Variants in RNASEH1 observed in about 807,000 individuals in gnomAD.
The protein encoded by RNASEH1 is ribonuclease H1, also known as ribonuclease H type II.
Under a neutral mutation model 34.6 loss-of-function variants are expected in RNASEH1, and 27 were observed. The observed-to-expected ratio is 0.78, with a 90% confidence interval of 0.58 to 1.08. RNASEH1 has a LOEUF of 1.08. Among genes scored for constraint, RNASEH1 ranks in the 50% least tolerant of loss-of-function variants. RNASEH1 has a pLI of 0.00. For missense variants in RNASEH1, 349 were observed against 373.6 expected (o/e 0.93, Z 0.54); for synonymous variants, 162 against 138.4 (o/e 1.17, Z -1.20).
chr2:3,557,767 C>A, intron 1 of RNASEH1: 1 of 836,740 alleles, frequency 1.2e-6, no homozygotes, highest in East Asian at 5.9e-5. Context: ...AGTTCCAATC[C>A]CAATTTAGCT....
chr2:3,532,413 T>C, the RNASEH1 span: 2 of 699,012 alleles, frequency 2.9e-6, 1 homozygote, highest in Non-Finnish European at 5.2e-6. Flanking sequence ...CACTGAAACA[T>C]GCTGAGTGCT....
chr2:3,554,961 C>T (rs1352297955), intron 2 of RNASEH1, among the ~76,000 whole-genome samples: 1 of 152,122 alleles, frequency 6.6e-6, no homozygotes, highest in Non-Finnish European at 1.5e-5. Context: ...TCGTATAGGC[C>T]GAGTGAACTA....
At chr2:3,546,457 T>C (rs1477124888) in intron 7 of RNASEH1, among the ~76,000 whole-genome samples, 1 of 152,232 alleles carries the variant, frequency 6.6e-6, no homozygotes, top group Non-Finnish European at 1.5e-5. Flanking sequence ...AAAGTTCTAT[T>C]ACCAAGGCTT....
rs1221377745 is a variant in RNASEH1, at chr2:3,545,745, C to A, written c.*40G>T. 1.4e-6 allele frequency: 2 copies of A among 1,413,310 alleles called. No homozygotes were observed. Among genetic ancestry groups the A allele is most frequent in the Non-Finnish European group, 2.0e-6 (2 of 996,888 alleles). 87.5% of individuals were successfully genotyped at this position (1,413,310 alleles called of 1,614,324 possible). A position where few individuals can be genotyped will look rare whatever the true frequency, so the allele number is the denominator to read the frequency against. On this transcript the variant is annotated 3_prime_UTR_variant, in exon 8 of 8. Coordinates refer to ENST00000315212, the MANE Select transcript of RNASEH1 (RefSeq NM_002936.6). ...CCAGTAAGTACAGGCAGCAAGACAG[C>A]CGCTGGCTCAAGTTCTCCCAAGGAC...
intron 2 of RNASEH1, 106 bp downstream of exon 2, chr2:3,556,683 G>T: frequency 1.5e-6 from 1 of 685,188 alleles, no homozygotes; most frequent in Non-Finnish European, 2.6e-6. Flanking sequence ...ACAATCACAC[G>T]AGGTTCCCTA....
intron 4 of RNASEH1, 144 bp downstream of exon 4, chr2:3,550,229 C>T (rs1191846050): frequency 1.4e-5 from 10 of 712,228 alleles, no homozygotes; most frequent in East Asian, 5.2e-5. Flanking sequence ...AGCCCCAACA[C>T]GAACCAAAGC....
chr2:3,549,101 A>G lies in RNASEH1; in HGVS notation c.521T>C (p.Ile174Thr). 1 of 1,613,162 alleles carries G rather than the reference A, an allele frequency of 6.2e-7. No homozygotes were observed. The highest frequency in any genetic ancestry group is 1.1e-5 in the South Asian group (1 of 91,032). ...GTTTGTCTGCCGCCCAGGAAGTCTA[A>G]TGCCTACATTTCTGTTTCAAAACAG... ...WGPGHPLNVGIRLPGRQTNQR... is the reference protein window; with the variant it reads ...WGPGHPLNVGTRLPGRQTNQR... The change falls in exon 5 of 8, where the codon ATT becomes ACT. Residue 174 changes from isoleucine (I) to threonine (T), a missense_variant. Ile to Thr is a moderately conservative substitution (Grantham distance 89, BLOSUM62 -1). Around this residue, in one of 2 missense-constraint regions of RNASEH1, gnomAD observed 256 missense variants for 240.7 expected, o/e 1.06. Transcript: ENST00000315212.
chr2:3,558,013 C>G lies in RNASEH1; in HGVS notation c.128+120G>C. On this transcript the variant is annotated intron_variant, in intron 1 of 7. Coordinates refer to ENST00000315212, the MANE Select transcript of RNASEH1 (RefSeq NM_002936.6). ...AACGAGGCGGTCCCCCGACCACCCA[C>G]AGCCACAGCGCGCGGCACAGACTCG... The G allele has an allele frequency of 4.0e-6, 6 of 1,484,806 alleles. No homozygotes were observed. In the South Asian group the frequency reaches 8.2e-5, roughly 20 times the overall value. The allele number at this position is 1,484,806 out of a possible 1,614,324, so 92.0% of individuals were successfully genotyped here.
At chr2:3,535,516 G>A in the RNASEH1 span, among the ~76,000 whole-genome samples, 1 of 151,216 alleles carries the variant, frequency 6.6e-6, no homozygotes, top group Non-Finnish European at 1.5e-5. Context: ...TACAAAGAAA[G>A]TTCCATCTGA....
the RNASEH1 span, chr2:3,533,317 G>A: frequency 6.6e-6 from 1 of 152,278 alleles, no homozygotes; most frequent in African/African-American, 2.4e-5. Context: ...TGTGCTGGTC[G>A]ATGTCTCACA....
At chr2:3,536,104 G>A in the RNASEH1 span, among the ~76,000 whole-genome samples, 3 of 152,198 alleles carry the variant, frequency 2.0e-5, no homozygotes, top group Non-Finnish European at 4.4e-5. Flanking sequence ...CAGAGGGAGG[G>A]CCCAGAGACT....
chr2:3,554,975 G>T (rs1234699340), intron 2 of RNASEH1, among the ~76,000 whole-genome samples: 2 of 152,206 alleles, frequency 1.3e-5, no homozygotes, highest in Non-Finnish European at 1.5e-5. Context: ...TGAACTATGG[G>T]AAGAATTTAT....
downstream of RNASEH1, among the ~76,000 whole-genome samples, chr2:3,538,613 T>TG (rs1668119119): frequency 6.6e-6 from 1 of 152,176 alleles, no homozygotes; most frequent in Admixed American, 6.6e-5. Context: ...TGGGTACTTA[T>TG]GGGGTCTGTC....
chr2:3,554,134 C>T (rs925807474), intron 2 of RNASEH1, among the ~76,000 whole-genome samples: 1 of 152,198 alleles, frequency 6.6e-6, no homozygotes, highest in Non-Finnish European at 1.5e-5. Flanking sequence ...ACCCTAAGGG[C>T]GCCGGGCAAC....
At chr2:3,540,740 G>A (rs556777824), downstream of RNASEH1, among the ~76,000 whole-genome samples, 5 of 152,040 alleles carry the variant, frequency 3.3e-5, no homozygotes, top group African/African-American at 4.8e-5. Flanking sequence ...CCCACAGACC[G>A]TAAAGTTTCT....
chr2:3,557,749 A>T, intron 1 of RNASEH1: 1 of 664,642 alleles, frequency 1.5e-6, no homozygotes, highest in Non-Finnish European at 2.5e-6. Context: ...AGGGAAGATT[A>T]GGTACTGAGT....
In RNASEH1 at chr2:3,547,893, C is replaced by A; in HGVS notation, c.774+38G>T. On this transcript the variant is annotated intron_variant, in intron 7 of 7. Coordinates refer to ENST00000315212, the MANE Select transcript of RNASEH1 (RefSeq NM_002936.6). ...CTCTAGTAAACTTAGCTTATTTGGT[C>A]ATAATGGCCATAGGACATGAACATT... The A allele has an allele frequency of 1.9e-6, 3 of 1,604,126 alleles. No individual in the cohort carries two copies. In the South Asian group the frequency reaches 3.3e-5, roughly 18 times the overall value.
chr2:3,550,578 T>C (rs1659761067), intron 3 of RNASEH1, 106 bp from the exon 4 acceptor site: 1 of 833,838 alleles, frequency 1.2e-6, no homozygotes, highest in Admixed American at 1.8e-5. Context: ...AGAGGGTATT[T>C]TACAACGCTG....
chr2:3,551,996 G>A, intron 3 of RNASEH1, 148 bp downstream of exon 3: 2 of 624,136 alleles, frequency 3.2e-6, no homozygotes, highest in Non-Finnish European at 5.4e-6. Flanking sequence ...ATAAATAATG[G>A]CCTTAGTGAT....
Sources: gnomAD v4.1 joint callset for allele counts (sites outside exome capture counted in the v4.1 genomes callset) on GRCh38, gnomAD v4.1.1 for gene constraint, gnomAD v4.1.1 regional missense constraint, MANE v1.5 for transcripts, NCBI Gene and HGNC (gene_info 2026-07-23, HGNC 2026-07-21) for gene names.